The following APOBEC3G variants were observed in gnomAD, a reference collection of about 807,000 sequenced individuals.
APOBEC3G encodes DNA dC->dU-editing enzyme APOBEC-3G.
APOBEC3G carries 44 observed loss-of-function variants against 50.0 expected under a neutral mutation model. The observed-to-expected ratio is 0.88, with a 90% CI of 0.69 to 1.13. The LOEUF (loss-of-function observed/expected upper bound fraction) is 1.13, where lower values mean the gene tolerates loss of function less well. Ranked by LOEUF, APOBEC3G falls within the 50% of genes most tolerant of loss-of-function variation. The pLI, the probability that APOBEC3G is intolerant of heterozygous loss-of-function variation, is 0.00. For missense variants in APOBEC3G, 469 were observed against 492.0 expected (o/e 0.95, Z 0.44); for synonymous variants, 156 against 175.3 (o/e 0.89, Z 0.87).
intron 1 of APOBEC3G, among the ~76,000 whole-genome samples, chr22:39,078,062 C>G (rs2146290725): frequency 6.6e-6 from 1 of 152,268 alleles, no homozygotes; most frequent in Admixed American, 6.5e-5. Context: ...GAGTTCAAGA[C>G]CAGCCTGACC....
chr22:39,084,943 A>G (rs1928629138), intron 5 of APOBEC3G, among the ~76,000 whole-genome samples: 1 of 152,170 alleles, frequency 6.6e-6, no homozygotes, highest in Admixed American at 6.5e-5. Flanking sequence ...TCTGGGCTCT[A>G]TGAGCTTAAT....
At chr22:39,084,827 G>A (rs535131001) in intron 5 of APOBEC3G, among the ~76,000 whole-genome samples, 5 of 152,352 alleles carry the variant, frequency 3.3e-5, no homozygotes, top group Admixed American at 6.5e-5. Context: ...AGGCCAGGCC[G>A]AGGGGCCCTG....
intron 6 of APOBEC3G, 82 bp downstream of exon 6, chr22:39,086,649 C>T (rs1043433751): frequency 3.3e-6 from 5 of 1,503,630 alleles, no homozygotes; most frequent in East Asian, 2.3e-5. Context: ...TGGGGAGGGT[C>T]GGCATCCCTG....
intron 2 of APOBEC3G, chr22:39,080,282 T>C (rs1275308578): frequency 1.6e-6 from 1 of 643,596 alleles, no homozygotes; most frequent in Non-Finnish European, 2.0e-6. Flanking sequence ...GATGCTAGAA[T>C]TCACACACGA....
intron 1 of APOBEC3G, 117 bp downstream of exon 1, chr22:39,077,495 C>A (rs538229157): frequency 1.3e-6 from 2 of 1,521,994 alleles, no homozygotes; most frequent in South Asian, 2.4e-5. Context: ...GCTCCCTCCC[C>A]TCTGACTCCC....
At position 39,081,458 on chromosome 22, in the gene APOBEC3G, T is replaced by A. The variant is rs748835644; in HGVS notation, c.467-13T>A. The A allele has an allele frequency of 1.2e-6, 2 of 1,613,266 alleles. No homozygotes were observed. Among genetic ancestry groups the A allele is most frequent in the South Asian group, 2.2e-5 (2 of 91,060 alleles). On this transcript the variant is annotated splice_polypyrimidine_tract_variant and intron_variant, in intron 3 of 7. Coordinates refer to ENST00000407997, the MANE Select transcript of APOBEC3G (RefSeq NM_021822.4). ...CAGCTGGGCTTGACTGCGTTCTCTC[T>A]TCTTTTTCTTAGAATTTCAGCACTG...
At chr22:39,079,511 T>TG (rs1928336324) in intron 2 of APOBEC3G, 1 of 164,904 alleles carries the variant, frequency 6.1e-6, no homozygotes, top group African/African-American at 2.4e-5. Flanking sequence ...TTAGTACAGA[T>TG]GGGGTTTCAC....
At chr22:39,085,136 T>A (rs1217254927) in intron 5 of APOBEC3G, among the ~76,000 whole-genome samples, 1 of 152,158 alleles carries the variant, frequency 6.6e-6, no homozygotes, top group Non-Finnish European at 1.5e-5. Context: ...GCTTGACTAG[T>A]TCCCAGTCGA....
chr22:39,087,485 C>A lies in APOBEC3G; in HGVS notation c.*64C>A, dbSNP rs368454440. 6.2e-7 allele frequency: 1 copy of A among 1,613,528 alleles called. No individual in the cohort carries two copies. Among genetic ancestry groups the A allele is most frequent in the African/African-American group, 1.3e-5 (1 of 75,014 alleles). ...GTTGAGCCTCAGAATAAAAGATCTTCTTCCAAGAAATGCAAACAGGCTGTT... is the reference window on the plus strand; with the variant it reads ...GTTGAGCCTCAGAATAAAAGATCTTATTCCAAGAAATGCAAACAGGCTGTT... On this transcript the variant is annotated 3_prime_UTR_variant, in exon 8 of 8. Transcript: ENST00000407997.
chr22:39,081,347 C>T, intron 3 of APOBEC3G, 120 bp downstream of exon 3: 1 of 1,540,708 alleles, frequency 6.5e-7, no homozygotes, highest in Non-Finnish European at 8.8e-7. Context: ...CCCAGGGGAG[C>T]CTGTGGGGTT....
intron 5 of APOBEC3G, 75 bp downstream of exon 5, chr22:39,083,959 T>C: frequency 6.6e-7 from 1 of 1,526,098 alleles, no homozygotes; most frequent in Non-Finnish European, 8.9e-7. Context: ...AGGTTCTGGG[T>C]GGTACCTGTG....
chr22:39,087,059 T>A lies in APOBEC3G; in HGVS notation c.1073T>A (p.Phe358Tyr). 1 of 1,613,498 alleles carries A rather than the reference T, an allele frequency of 6.2e-7. No individual in the cohort carries two copies. Among genetic ancestry groups the A allele is most frequent in the East Asian group, 2.2e-5 (1 of 44,872 alleles). The change falls in exon 7 of 8, where the codon TTC becomes TAC. Residue 358 changes from phenylalanine (F) to tyrosine (Y), a missense_variant. Phe to Tyr is a conservative substitution (Grantham distance 22). Coordinates refer to ENST00000407997, the MANE Select transcript of APOBEC3G (RefSeq NM_021822.4). ...TTTGTGGACCACCAGGGATGTCCCT[T>A]CCAGCCCTGGGATGGACTAGATGAG... ...DTFVDHQGCP[F>Y]QPWDGLDEHS... is the part of the protein sequence containing the mutation.
intron 4 of APOBEC3G, chr22:39,081,981 G>A: frequency 1.1e-5 from 2 of 177,524 alleles, no homozygotes; most frequent in South Asian, 2.5e-4. Context: ...CATCCTTAAA[G>A]GCCAACCTGA....
At position 39,081,049 on chromosome 22, in the gene APOBEC3G, C is replaced by A; in HGVS notation, c.288C>A (p.Pro96=). ...TCACCTGGTACATATCCTGGAGCCC[C>A]TGCACAAAGTGTACAAGGGATATGG... is the stretch of plus-strand genomic sequence containing the variant. The part of the protein sequence containing the change: ...YEVTWYISWS[P]CTKCTRDMAT... The change falls in exon 3 of 8, where the codon CCC becomes CCA. Residue 96 remains proline, a synonymous_variant. Transcript: ENST00000407997. 1 of 1,614,198 alleles carries A rather than the reference C, an allele frequency of 6.2e-7. No homozygotes were observed. Among genetic ancestry groups the A allele is most frequent in the Non-Finnish European group, 8.5e-7 (1 of 1,180,026 alleles).
chr22:39,078,700 T>G, intron 1 of APOBEC3G: 1 of 542,732 alleles, frequency 1.8e-6, no homozygotes, highest in South Asian at 2.9e-5. Context: ...GGTGAAGAGT[T>G]TTATTCTGTC....
rs114031728 is a variant in APOBEC3G at position 39,078,602 on chromosome 22, C to T, written c.18-330C>T. 250 of 224,370 alleles carry T rather than the reference C, an allele frequency of 1.1e-3. 1 individual carries two copies. Among genetic ancestry groups the T allele is most frequent in the African/African-American group, 5.5e-3 (238 of 43,424 alleles). 13.9% of individuals were successfully genotyped at this position (224,370 alleles called of 1,614,324 possible). ...GAAGACTGGCCTGGGCCTCAGAATT[C>T]GGTTCTACCATGATTTAACAATAAT... is the stretch of plus-strand genomic sequence containing the variant. On this transcript the variant is annotated intron_variant, in intron 1 of 7. Transcript: ENST00000407997.
chr22:39,081,000 T>C lies in APOBEC3G; in HGVS notation c.239T>C (p.Leu80Pro). The C allele has an allele frequency of 1.2e-6, 2 of 1,614,106 alleles. No homozygotes were observed. Among genetic ancestry groups the C allele is most frequent in the Non-Finnish European group, 1.7e-6 (2 of 1,180,014 alleles). ...FFHWFSKWRK[L>P]HRDQEYEVTW... ...CACTGGTTCAGCAAGTGGAGGAAGCTGCATCGTGACCAGGAGTATGAGGTC... is the reference window on the plus strand; with the variant it reads ...CACTGGTTCAGCAAGTGGAGGAAGCCGCATCGTGACCAGGAGTATGAGGTC... The change falls in exon 3 of 8, where the codon CTG becomes CCG. Residue 80 changes from leucine to proline, a missense_variant. By Grantham distance (98) the Leu-to-Pro change is moderately conservative (BLOSUM62 -3). Coordinates refer to ENST00000407997, the MANE Select transcript of APOBEC3G (RefSeq NM_021822.4).
chr22:39,078,272 A>G (rs556085643), intron 1 of APOBEC3G, among the ~76,000 whole-genome samples: 1 of 152,298 alleles, frequency 6.6e-6, no homozygotes, highest in South Asian at 2.1e-4. Context: ...AAGAAAAAAA[A>G]ACAAAAACAA....
At chr22:39,086,119 A>G (rs1036413348) in intron 5 of APOBEC3G, among the ~76,000 whole-genome samples, 160 bp from the exon 6 acceptor site, 1 of 151,882 alleles carries the variant, frequency 6.6e-6, no homozygotes, top group Non-Finnish European at 1.5e-5. Context: ...AGCCTGAACC[A>G]CATGGAGAAA....
Sources: gnomAD v4.1 joint callset for allele counts (sites outside exome capture counted in the v4.1 genomes callset) on GRCh38, gnomAD v4.1.1 for gene constraint, MANE v1.5 for transcripts, NCBI Gene and HGNC (gene_info 2026-07-23, HGNC 2026-07-21) for gene names.